PTPRT: variants seen among roughly 807,000 people sequenced by gnomAD.
The protein encoded by PTPRT is protein tyrosine phosphatase receptor type T.
PTPRT carries 56 observed loss-of-function variants against 176.8 expected under a neutral mutation model. The ratio of observed to expected loss-of-function variants is 0.32; its 90% CI spans 0.26 to 0.40. The LOEUF (loss-of-function observed/expected upper bound fraction) is 0.40, where lower values mean the gene tolerates loss of function less well. Ranked by LOEUF, PTPRT falls within the 10% of genes least tolerant of loss-of-function variation. The probability of loss-of-function intolerance (pLI) is 1.00; values close to 1 mark genes in which losing one functional copy is unlikely to be tolerated. For missense variants in PTPRT, 1,540 were observed against 1,908.2 expected, an observed-to-expected ratio of 0.81 and a Z score of 3.60; for synonymous variants, 783 against 739.0, an observed-to-expected ratio of 1.06 and a Z score of -0.96.
At chr20:43,065,303 T>C (rs1600686302) in intron 1 of PTPRT, among the ~76,000 whole-genome samples, 1 of 152,320 alleles carries the variant, frequency 6.6e-6, no homozygotes, top group South Asian at 2.1e-4. Context: ...TCTTCCGTAG[T>C]CAAGGGAGGA....
chr20:42,266,973 A>G (rs905055778), intron 13 of PTPRT, among the ~76,000 whole-genome samples: 3 of 152,206 alleles, frequency 2.0e-5, no homozygotes, highest in Middle Eastern at 3.2e-3. Context: ...AGAATGTAAA[A>G]TATCTTTCAT....
At chr20:43,109,539 T>C (rs2012771693) in intron 1 of PTPRT, among the ~76,000 whole-genome samples, 1 of 152,144 alleles carries the variant, frequency 6.6e-6, no homozygotes, top group South Asian at 2.1e-4. Context: ...ACATCTAATA[T>C]TTATTTAGCT....
intron 9 of PTPRT, among the ~76,000 whole-genome samples, chr20:42,399,971 A>G (rs2058889495): frequency 6.6e-6 from 1 of 152,168 alleles, no homozygotes; most frequent in African/African-American, 2.4e-5. Context: ...ATTGGACTGA[A>G]TGTTAACAGT....
intron 1 of PTPRT, among the ~76,000 whole-genome samples, chr20:43,063,968 C>T (rs1039097000): frequency 1.3e-5 from 2 of 151,962 alleles, no homozygotes; most frequent in Admixed American, 6.6e-5. Flanking sequence ...TAGCATGGTA[C>T]GTTTATGATT....
At chr20:42,681,710 G>A (rs1184453488) in intron 6 of PTPRT, among the ~76,000 whole-genome samples, 1 of 152,178 alleles carries the variant, frequency 6.6e-6, no homozygotes, top group Non-Finnish European at 1.5e-5. Context: ...TTGACAAAGA[G>A]AAGTCAGGAG....
chr20:42,937,137 C>T (rs1980237481), intron 1 of PTPRT, among the ~76,000 whole-genome samples: 1 of 152,224 alleles, frequency 6.6e-6, no homozygotes, highest in African/African-American at 2.4e-5. Context: ...TAACTCAAGT[C>T]TTGCTATATA....
chr20:43,062,395 A>G (rs1670397769), intron 1 of PTPRT, among the ~76,000 whole-genome samples: 1 of 152,178 alleles, frequency 6.6e-6, no homozygotes, highest in South Asian at 2.1e-4. Context: ...GGTTGGAGAT[A>G]ATACATGCCA....
intron 6 of PTPRT, among the ~76,000 whole-genome samples, chr20:42,698,122 A>G (rs556792890): frequency 3.2e-4 from 48 of 152,332 alleles, no homozygotes; most frequent in African/African-American, 1.0e-3. Context: ...CCTAAAGGAA[A>G]GGAAATGTAA....
intron 1 of PTPRT, among the ~76,000 whole-genome samples, chr20:42,914,118 T>G (rs1219503834): frequency 6.6e-6 from 1 of 152,212 alleles, no homozygotes; most frequent in South Asian, 2.1e-4. Context: ...TTGTCCTCTA[T>G]AGTCCCTTGA....
chr20:42,166,462 A>T (rs1046525874), intron 16 of PTPRT, among the ~76,000 whole-genome samples: 9 of 109,996 alleles, frequency 8.2e-5, no homozygotes, highest in Non-Finnish European at 1.8e-4. Flanking sequence ...TGTATTGAAC[A>T]ATGCAGATCT....
chr20:42,422,429 C>G (rs2059126648), intron 9 of PTPRT, among the ~76,000 whole-genome samples: 1 of 152,124 alleles, frequency 6.6e-6, no homozygotes. Flanking sequence ...CAACAGGCGG[C>G]AAACAAACAT....
rs558219015 is a variant in PTPRT, at chr20:43,084,688, C to A, written c.88+104958G>T. Among the ~76,000 whole-genome samples the A allele has an allele frequency of 2.0e-3, 301 of 152,180 alleles. 1 individual carries two copies. The highest frequency in any genetic ancestry group is 7.1e-3 in the African/African-American group (294 of 41,508). On this transcript the variant is annotated intron_variant, in intron 1 of 30. Transcript: ENST00000373187. ...GTTATTGTTCTTCTTGTTGTTACAT[C>A]CATTCTAGTGGGTGCACTTACTATA...
chr20:42,886,063 A>G, intron 1 of PTPRT, 131 bp from the exon 2 acceptor site: 1 of 397,448 alleles, frequency 2.5e-6, no homozygotes, highest in Non-Finnish European at 3.6e-6. Context: ...ATATATATAT[A>G]TATATATAAA....
chr20:42,853,440 A>G lies in PTPRT; in HGVS notation c.214+32367T>C, dbSNP rs114204642. ...ACTAGAAGAGGTGATGGCTGATGGTATAACTCTCAGTCTGAGGCCAAAGTC... is the reference window on the plus strand; with the variant it reads ...ACTAGAAGAGGTGATGGCTGATGGTGTAACTCTCAGTCTGAGGCCAAAGTC... On this transcript the variant is annotated intron_variant, in intron 2 of 30. Transcript: ENST00000373187. Among the ~76,000 whole-genome samples, 1,331 of 152,276 alleles carry G rather than the reference A, an allele frequency of 8.7e-3. 23 individuals carry two copies. Among genetic ancestry groups the G allele is most frequent in the African/African-American group, 0.03 (1,241 of 41,556 alleles).
At chr20:42,987,450 G>A (rs962910903) in intron 1 of PTPRT, among the ~76,000 whole-genome samples, 2 of 152,166 alleles carry the variant, frequency 1.3e-5, no homozygotes, top group Non-Finnish European at 2.9e-5. Flanking sequence ...CTGCAGCTCT[G>A]GCTTAGCTGA....
intron 13 of PTPRT, among the ~76,000 whole-genome samples, chr20:42,256,902 C>T (rs2056651617): frequency 1.3e-5 from 2 of 152,130 alleles, no homozygotes; most frequent in Non-Finnish European, 1.5e-5. Flanking sequence ...AGACCTGAAG[C>T]CATGGAGTCA....
At chr20:42,273,505 G>A (rs893125826) in intron 13 of PTPRT, among the ~76,000 whole-genome samples, 2 of 152,182 alleles carry the variant, frequency 1.3e-5, no homozygotes, top group Admixed American at 6.5e-5. Context: ...GTGAGCCACC[G>A]CACCCAGCCA....
At chr20:42,861,989 A>G (rs1438428831) in intron 2 of PTPRT, among the ~76,000 whole-genome samples, 3 of 152,214 alleles carry the variant, frequency 2.0e-5, no homozygotes, top group Non-Finnish European at 4.4e-5. Flanking sequence ...TGCAGGCCAC[A>G]TTTATACTTT....
intron 7 of PTPRT, among the ~76,000 whole-genome samples, chr20:42,573,690 T>G (rs1337670183): frequency 6.6e-6 from 1 of 151,306 alleles, no homozygotes; most frequent in Non-Finnish European, 1.5e-5. Context: ...TGGGGGATGA[T>G]ACAACCCCGT....
Sources: allele counts gnomAD v4.1 joint callset (sites outside exome capture counted in the v4.1 genomes callset), GRCh38; gene constraint gnomAD v4.1.1; transcripts MANE v1.5; gene names NCBI Gene and HGNC (gene_info 2026-07-23, HGNC 2026-07-21).